The following FBXL13 variants were observed in gnomAD, a reference collection of about 807,000 sequenced individuals.
FBXL13 encodes the protein F-box and leucine rich repeat protein 13.
In FBXL13, 67 loss-of-function variants were observed where a neutral mutation model predicts 83.6. That is an observed-to-expected ratio of 0.80 (90% CI 0.66 to 0.98). The LOEUF (loss-of-function observed/expected upper bound fraction) is 0.98. FBXL13 is among the 50% of genes least tolerant of loss of function. The probability of loss-of-function intolerance (pLI) is 0.00; values close to 1 mark genes in which losing one functional copy is unlikely to be tolerated. For synonymous variants in FBXL13, 272 were observed against 299.5 expected (o/e 0.91, Z 0.95); for missense variants, 822 against 866.5 (o/e 0.95, Z 0.64).
At chr7:103,023,271 G>A (rs1376959110) in intron 6 of FBXL13, among the ~76,000 whole-genome samples, 2 of 151,896 alleles carry the variant, frequency 1.3e-5, no homozygotes, top group East Asian at 1.9e-4. Context: ...ATGAGACTCC[G>A]TCTCAAACAA....
intron 8 of FBXL13, chr7:102,944,658 T>TG (rs1473161612): frequency 6.8e-6 from 10 of 1,464,628 alleles, no homozygotes; most frequent in Non-Finnish European, 7.3e-6. Context: ...ATACTGGTGT[T>TG]AGAAAACATA....
intron 8 of FBXL13, among the ~76,000 whole-genome samples, chr7:102,946,641 C>T (rs1302636391): frequency 6.9e-6 from 1 of 145,396 alleles, no homozygotes; most frequent in Non-Finnish European, 1.5e-5. Flanking sequence ...TTGTGAGTTT[C>T]TATTTTTATT....
At chr7:102,913,028 C>G (rs914911850) in intron 11 of FBXL13, 58 bp downstream of exon 12, 3 of 1,611,216 alleles carry the variant, frequency 1.9e-6, no homozygotes, top group African/African-American at 2.7e-5. Flanking sequence ...CTGAATGCAG[C>G]CCATTCTCTG....
chr7:102,874,552 G>A (rs1380148812), intron 16 of FBXL13, among the ~76,000 whole-genome samples: 1 of 152,050 alleles, frequency 6.6e-6, no homozygotes, highest in Non-Finnish European at 1.5e-5. Context: ...ATACTCCTAA[G>A]TTTTTTGTTT....
intron 2 of FBXL13, among the ~76,000 whole-genome samples, chr7:103,042,737 T>A (rs1213905745): frequency 6.6e-6 from 1 of 152,196 alleles, no homozygotes; most frequent in Non-Finnish European, 1.5e-5. Context: ...CTCTATTTAA[T>A]AAATTGTGCT....
intron 11 of FBXL13, among the ~76,000 whole-genome samples, chr7:102,887,694 G>A (rs1208264890): frequency 6.6e-6 from 1 of 152,184 alleles, no homozygotes; most frequent in Non-Finnish European, 1.5e-5. Flanking sequence ...CCACATTATA[G>A]AGGGGAGTCC....
intron 8 of FBXL13, among the ~76,000 whole-genome samples, chr7:102,959,360 T>A (rs1417142376): frequency 6.6e-6 from 1 of 152,130 alleles, no homozygotes; most frequent in South Asian, 2.1e-4. Flanking sequence ...CTGTCTTGCG[T>A]TTGGAGTTTT....
At chr7:103,062,309 A>G (rs951427612) in intron 1 of FBXL13, among the ~76,000 whole-genome samples, 2 of 152,136 alleles carry the variant, frequency 1.3e-5, no homozygotes, top group Non-Finnish European at 2.9e-5. Flanking sequence ...ACCTAGTAGA[A>G]AATTGAGGGA....
intron 17 of FBXL13, among the ~76,000 whole-genome samples, chr7:102,853,392 C>G (rs913470390): frequency 1.3e-5 from 2 of 152,030 alleles, no homozygotes; most frequent in East Asian, 1.9e-4. Context: ...AAGACTTAAA[C>G]GTTAGACCTA....
At chr7:103,015,669 T>TG (rs1431719680) in intron 6 of FBXL13, among the ~76,000 whole-genome samples, 2 of 152,028 alleles carry the variant, frequency 1.3e-5, no homozygotes, top group Admixed American at 1.3e-4. Context: ...TGGTGGCCCA[T>TG]GCCTGTAATT....
chr7:103,029,217 A>G (rs1005245362), intron 3 of FBXL13, 134 bp downstream of exon 4: 2 of 517,252 alleles, frequency 3.9e-6, no homozygotes, highest in Non-Finnish European at 6.8e-6. Context: ...AAAGAAATAT[A>G]TAATACAAAA....
chr7:102,884,744 C>T lies in FBXL13; in HGVS notation c.1009-432G>A, dbSNP rs1810573234. Among the ~76,000 whole-genome samples, 3 of 152,300 alleles carry T rather than the reference C, an allele frequency of 2.0e-5. No individual in the cohort carries two copies. In the South Asian group the frequency reaches 6.2e-4, roughly 32 times the overall value. On this transcript the variant is annotated intron_variant, in intron 11 of 19. Transcript: ENST00000313221. ...CCAGCACCTAAATGTAGTTCCAAAA[C>T]ATTTTCATCACCCAAAAGGAAATCC...
intron 11 of FBXL13, among the ~76,000 whole-genome samples, chr7:102,903,539 C>G (rs1398955333): frequency 6.6e-6 from 1 of 152,070 alleles, no homozygotes; most frequent in Non-Finnish European, 1.5e-5. Context: ...CAGTATGATA[C>G]TAGCTGTGGG....
intron 6 of FBXL13, among the ~76,000 whole-genome samples, chr7:102,980,064 A>G (rs1563181100): frequency 6.6e-6 from 1 of 152,254 alleles, no homozygotes; most frequent in African/African-American, 2.4e-5. Flanking sequence ...TATAGATTCA[A>G]TGTAATCCCT....
At chr7:102,955,584 A>AC (rs1717849979) in intron 8 of FBXL13, among the ~76,000 whole-genome samples, 2 of 151,864 alleles carry the variant, frequency 1.3e-5, no homozygotes, top group South Asian at 2.1e-4. Flanking sequence ...TCAAAAAAAA[A>AC]CAATGAATCC....
intron 17 of FBXL13, among the ~76,000 whole-genome samples, chr7:102,847,190 C>A (rs1804148980): frequency 6.6e-6 from 1 of 151,692 alleles, no homozygotes; most frequent in Non-Finnish European, 1.5e-5. Flanking sequence ...ACTACCTGAC[C>A]CTTCAAAACT....
chr7:103,050,706 C>G (rs1018985133), intron 2 of FBXL13, among the ~76,000 whole-genome samples: 15 of 152,230 alleles, frequency 9.9e-5, no homozygotes, highest in Admixed American at 3.3e-4. Flanking sequence ...TGCAATGACA[C>G]TGAAAAATTC....
chr7:102,897,790 T>A (rs1488237105), intron 11 of FBXL13, among the ~76,000 whole-genome samples: 1 of 152,144 alleles, frequency 6.6e-6, no homozygotes, highest in East Asian at 1.9e-4. Context: ...GACACTTTGA[T>A]CAAAGAATAT....
intron 11 of FBXL13, among the ~76,000 whole-genome samples, chr7:102,885,890 T>C (rs1020951640): frequency 6.6e-5 from 10 of 152,220 alleles, no homozygotes; most frequent in South Asian, 4.1e-4. Context: ...CTTTTCCCCA[T>C]TGAATGGTCT....
Sources: gnomAD v4.1 joint callset for allele counts (sites outside exome capture counted in the v4.1 genomes callset) on GRCh38, gnomAD v4.1.1 for gene constraint, MANE v1.5 for transcripts, NCBI Gene and HGNC (gene_info 2026-07-23, HGNC 2026-07-21) for gene names.